BMP8A: variants seen among roughly 807,000 people sequenced by gnomAD.
The protein encoded by BMP8A is BMP-8A.
Under a neutral mutation model 36.8 loss-of-function variants are expected in BMP8A, and 14 were observed. The ratio of observed to expected loss-of-function variants is 0.38; its 90% CI spans 0.25 to 0.60. The LOEUF (loss-of-function observed/expected upper bound fraction) is 0.60, where lower values mean the gene tolerates loss of function less well. Ranked by LOEUF, BMP8A falls within the 20% of genes least tolerant of loss-of-function variation. The pLI is 0.63. For missense variants in BMP8A, 267 were observed against 551.1 expected, an observed-to-expected ratio of 0.48 and a Z score of 5.16; for synonymous variants, 120 against 237.7, an observed-to-expected ratio of 0.50 and a Z score of 4.55.
At chr1:39,510,065 C>T (rs1417987409) in intron 1 of BMP8A, among the ~76,000 whole-genome samples, 4 of 149,144 alleles carry the variant, frequency 2.7e-5, no homozygotes, top group Non-Finnish European at 5.9e-5. Flanking sequence ...CCCTCACCTC[C>T]ACTGTGTCTT....
At chr1:39,509,048 G>A (rs1011030761) in intron 1 of BMP8A, among the ~76,000 whole-genome samples, 4 of 152,180 alleles carry the variant, frequency 2.6e-5, no homozygotes, top group Non-Finnish European at 2.9e-5. Flanking sequence ...AGAGCTGATG[G>A]GTTTGTGGGC....
rs1031920336 is a variant in BMP8A at position 39,524,077 on chromosome 1, A to G, written c.1059+960A>G. ...AAAGCTGCTCTGAGCCTATGATAAT[A>G]CTTCCTTTCTGGGCAGTCAAATGGT... On this transcript the variant is annotated intron_variant, in intron 6 of 6. Coordinates refer to ENST00000331593, the MANE Select transcript of BMP8A (RefSeq NM_181809.4). This position sits in a 1 kb window ranked among gnomAD's most constrained non-coding sequence, Gnocchi z 4.0. Among the ~76,000 whole-genome samples, 9 of 152,306 alleles carry G rather than the reference A, an allele frequency of 5.9e-5. No homozygotes were observed. Among genetic ancestry groups the G allele is most frequent in the Admixed American group, 2.6e-4 (4 of 15,298 alleles).
At chr1:39,514,723 G>A (rs1315477194) in intron 3 of BMP8A, among the ~76,000 whole-genome samples, 3 of 152,138 alleles carry the variant, frequency 2.0e-5, no homozygotes, top group Non-Finnish European at 4.4e-5. Context: ...TCTGTCCTGC[G>A]CCCGGGCCTG....
At chr1:39,501,961 C>T (rs913445934) in intron 1 of BMP8A, among the ~76,000 whole-genome samples, 1 of 149,854 alleles carries the variant, frequency 6.7e-6, no homozygotes, top group South Asian at 2.1e-4. Context: ...CACACTGGGC[C>T]GGGCGCAATG....
chr1:39,526,178 G>C lies in BMP8A; in HGVS notation c.*380G>C, dbSNP rs1217250911. Among the ~76,000 whole-genome samples the C allele has an allele frequency of 6.6e-6, 1 of 152,160 alleles. No individual in the cohort carries two copies. Among genetic ancestry groups the C allele is most frequent in the African/African-American group, 2.4e-5 (1 of 41,420 alleles). On this transcript the variant is annotated 3_prime_UTR_variant, in exon 7 of 7. Transcript: ENST00000331593. ...AGAGGGTTTAGGTGTGAGGAGAAGG[G>C]CTCTGCCTCTTCCCAGGTACAACAC... is the stretch of plus-strand genomic sequence containing the variant.
chr1:39,497,981 G>C (rs1322462365), intron 1 of BMP8A, among the ~76,000 whole-genome samples: 1 of 152,226 alleles, frequency 6.6e-6, no homozygotes, highest in African/African-American at 2.4e-5. Context: ...GGTGTCTGTT[G>C]ATAGGAGGGC....
intron 1 of BMP8A, among the ~76,000 whole-genome samples, chr1:39,506,506 C>A (rs191953969): frequency 6.8e-4 from 103 of 152,140 alleles, no homozygotes; most frequent in African/African-American, 2.3e-3. Flanking sequence ...CGCGCCCCCC[C>A]CAATTTCCTG....
At chr1:39,508,202 A>G (rs897275822) in intron 1 of BMP8A, among the ~76,000 whole-genome samples, 2 of 152,012 alleles carry the variant, frequency 1.3e-5, no homozygotes, top group South Asian at 4.2e-4. Context: ...AGTGAGCTGA[A>G]ATCGTGCCAC....
At position 39,526,221 on chromosome 1, in the gene BMP8A, A is replaced by T. The variant is rs1645482028; in HGVS notation, c.*423A>T. 6.6e-6 allele frequency among the ~76,000 whole-genome samples: 1 copy of T among 152,264 alleles called. No individual in the cohort carries two copies. The highest frequency in any genetic ancestry group is 2.1e-4 in the South Asian group (1 of 4,804). ...TACAACACTGGCCATTTCTGGGCAA[A>T]ATTGGACACGCTTATGTTCTCAGCA... On this transcript the variant is annotated 3_prime_UTR_variant, in exon 7 of 7. Coordinates refer to ENST00000331593, the MANE Select transcript of BMP8A (RefSeq NM_181809.4).
chr1:39,491,945 G>C lies in BMP8A; in HGVS notation c.-47G>C, dbSNP rs904796757. 11 of 1,060,544 alleles carry C rather than the reference G, an allele frequency of 1.0e-5. No homozygotes were observed. The highest frequency in any genetic ancestry group is 1.0e-5 in the Non-Finnish European group (9 of 879,418). The allele number at this position is 1,060,544 out of a possible 1,614,324, so 65.7% of individuals were successfully genotyped here. On this transcript the variant is annotated 5_prime_UTR_variant, in exon 1 of 7. Coordinates refer to ENST00000331593, the MANE Select transcript of BMP8A (RefSeq NM_181809.4). ...CCGTCGGGGCGTCCCCGGGCCCAGG[G>C]GCGGCGGCGGAGCTGATGTGCGCCC... is the stretch of plus-strand genomic sequence containing the variant.
chr1:39,495,066 T>C (rs1645193707), intron 1 of BMP8A, among the ~76,000 whole-genome samples: 1 of 152,146 alleles, frequency 6.6e-6, no homozygotes, highest in Non-Finnish European at 1.5e-5. Context: ...GCTCTCAGTG[T>C]TTGGAGGCCC....
chr1:39,491,918 C>T lies in BMP8A; in HGVS notation c.-74C>T. ...TGCTCGCCGAACTCAGCTCCCCGTT[C>T]GCCGTCGGGGCGTCCCCGGGCCCAG... On this transcript the variant is annotated 5_prime_UTR_variant, in exon 1 of 7. Coordinates refer to ENST00000331593, the MANE Select transcript of BMP8A (RefSeq NM_181809.4). 9.6e-7 allele frequency: 1 copy of T among 1,039,994 alleles called. No individual in the cohort carries two copies. The allele number at this position is 1,039,994 out of a possible 1,614,324, so 64.4% of individuals were successfully genotyped here.
At chr1:39,498,725 AG>A (rs762167904) in intron 1 of BMP8A, among the ~76,000 whole-genome samples, 1 of 151,990 alleles carries the variant, frequency 6.6e-6, no homozygotes, top group Non-Finnish European at 1.5e-5. Context: ...TTGGGTCTGA[AG>A]TGCCCCTGCC....
Position 39,526,964 on chromosome 1 carries a change from C to CACCA in BMP8A, c.*1167_*1170dup, listed in dbSNP as rs1176149248. Among the ~76,000 whole-genome samples the CACCA allele has an allele frequency of 4.2e-4, 64 of 152,344 alleles. No individual in the cohort carries two copies. Among genetic ancestry groups the CACCA allele is most frequent in the African/African-American group, 1.4e-3 (59 of 41,570 alleles). ...GCCTCAGCACAGAACTGCAGACAGC[C>CACCA]ACCACCAGGCATTGTCAATAAGACC... On this transcript the variant is annotated 3_prime_UTR_variant, in exon 7 of 7. Transcript: ENST00000331593.
rs1645160569 is a variant in BMP8A at position 39,491,862 on chromosome 1, C to G, written c.-130C>G. The G allele has an allele frequency of 1.2e-6, 1 of 834,440 alleles. No homozygotes were observed. The highest frequency in any genetic ancestry group is 5.8e-5 in the Admixed American group (1 of 17,258). The allele number at this position is 834,440 out of a possible 1,614,324, so 51.7% of individuals were successfully genotyped here. A position where few individuals can be genotyped will look rare whatever the true frequency, so the allele number is the denominator to read the frequency against. On this transcript the variant is annotated 5_prime_UTR_variant, in exon 1 of 7. Transcript: ENST00000331593. ...GGGCGCTCCAGGGACCGCGCTGAGG[C>G]CGCAGACGCCGCCCGCCGAGCCCCG...
chr1:39,508,646 G>C (rs908347336), intron 1 of BMP8A, among the ~76,000 whole-genome samples: 1 of 152,186 alleles, frequency 6.6e-6, no homozygotes, highest in African/African-American at 2.4e-5. Flanking sequence ...CCCAACAAAT[G>C]CTCTTCCTCA....
At chr1:39,523,189 GC>G (rs1645446974) in intron 6 of BMP8A, 72 bp downstream of exon 6, 11 of 1,543,184 alleles carry the variant, frequency 7.1e-6, no homozygotes, top group Middle Eastern at 1.7e-4. Context: ...GGTCCAGCCA[GC>G]CGGGAGGGCA....
intron 1 of BMP8A, among the ~76,000 whole-genome samples, chr1:39,499,509 G>T (rs1006328557): frequency 2.0e-5 from 3 of 152,228 alleles, no homozygotes; most frequent in African/African-American, 7.2e-5. Flanking sequence ...AGACTAAATT[G>T]CCCAGAGCAC....
Position 39,526,105 on chromosome 1 carries a change from G to C in BMP8A, c.*307G>C, listed in dbSNP as rs1645480851. On this transcript the variant is annotated 3_prime_UTR_variant, in exon 7 of 7. Coordinates refer to ENST00000331593, the MANE Select transcript of BMP8A (RefSeq NM_181809.4). ...CTTAGGACCTGTCAGACTGTGGCTG[G>C]CCCCGGATGGTCTGAGGTTGGCTGA... Among the ~76,000 whole-genome samples the C allele has an allele frequency of 6.6e-6, 1 of 152,136 alleles. No individual in the cohort carries two copies. The highest frequency in any genetic ancestry group is 1.5e-5 in the Non-Finnish European group (1 of 68,036).
Sources: allele counts gnomAD v4.1 joint callset (sites outside exome capture counted in the v4.1 genomes callset), GRCh38; gene constraint gnomAD v4.1.1; non-coding constraint Gnocchi (gnomAD v3.1); transcripts MANE v1.5; gene names NCBI Gene and HGNC (gene_info 2026-07-23, HGNC 2026-07-21).